FOXB1: variants seen among roughly 807,000 people sequenced by gnomAD.
FOXB1 encodes forkhead box B1.
FOXB1 carries 6 observed loss-of-function variants against 18.6 expected under a neutral mutation model. The observed-to-expected ratio is 0.32, with a 90% CI of 0.18 to 0.64. The LOEUF (loss-of-function observed/expected upper bound fraction) is 0.64. FOXB1 is among the 30% of genes least tolerant of loss of function. The pLI is 0.78. For missense variants in FOXB1, 419 were observed against 463.6 expected (o/e 0.90, Z 0.88); for synonymous variants, 213 against 216.0 (o/e 0.99, Z 0.12).
Position 60,004,654 on chromosome 15 carries a change from C to A in FOXB1, c.-58+11C>A. On this transcript the variant is annotated intron_variant, in intron 1 of 1. Coordinates refer to ENST00000396057, the MANE Select transcript of FOXB1 (RefSeq NM_012182.3). ...TGAAGCAACTTTAAGGTGAGCAGCT[C>A]TCTGTTCCGTCCCTGCCCCCTATTC... 1 of 360,342 alleles carries A rather than the reference C, an allele frequency of 2.8e-6. No homozygotes were observed. The highest frequency in any genetic ancestry group is 5.1e-6 in the Non-Finnish European group (1 of 197,508). The allele number at this position is 360,342 out of a possible 1,614,324, so 22.3% of individuals were successfully genotyped here. A position where few individuals can be genotyped will look rare whatever the true frequency, so the allele number is the denominator to read the frequency against.
intron 1 of FOXB1, 113 bp from the exon 2 acceptor site, chr15:60,004,794 G>C (rs986097772): frequency 2.4e-6 from 1 of 419,146 alleles, no homozygotes; most frequent in East Asian, 4.9e-5. Context: ...CTGGCTGATC[G>C]AGCGCCGCAG....
At position 60,005,932 on chromosome 15, in the gene FOXB1, G is replaced by C; in HGVS notation, c.969G>C (p.Ala323=). ...TSPASALHSV[A]VH is the part of the protein sequence containing the mutation. ...CGGCCTCCGCCTTGCACTCGGTGGC[G>C]GTGCACTGACCCGCAGGAGCCCACG... is the stretch of plus-strand genomic sequence containing the variant. The change falls in exon 2 of 2, where the codon GCG becomes GCC. Residue 323 remains alanine (A), a synonymous_variant. Coordinates refer to ENST00000396057, the MANE Select transcript of FOXB1 (RefSeq NM_012182.3). This position sits in a 1 kb window ranked among gnomAD's most constrained non-coding sequence, Gnocchi z 9.8. 1 of 1,585,330 alleles carries C rather than the reference G, an allele frequency of 6.3e-7. No homozygotes were observed. The highest frequency in any genetic ancestry group is 8.5e-7 in the Non-Finnish European group (1 of 1,171,344).
Position 60,005,141 on chromosome 15 carries a change from A to T in FOXB1, c.178A>T (p.Ser60Cys). The T allele has an allele frequency of 6.2e-7, 1 of 1,614,208 alleles. No individual in the cohort carries two copies. ...GGAGAACACGCAGCGCTGGCAGAACAGTCTGCGCCACAACCTCTCCTTCAA... is the reference window on the plus strand; with the variant it reads ...GGAGAACACGCAGCGCTGGCAGAACTGTCTGCGCCACAACCTCTCCTTCAA... Reference protein sequence around the residue: ...YRENTQRWQNSLRHNLSFNDC... With the variant: ...YRENTQRWQNCLRHNLSFNDC... Residue 60 changes from serine (S) to cysteine (C), a missense_variant, in exon 2 of 2, where the codon AGT (serine) becomes TGT (cysteine). Physicochemically the swap from Ser to Cys is moderately radical, Grantham distance 112. This residue lies in a region of FOXB1 where 153 missense variants were observed against 173.8 expected (regional missense o/e 0.88). Coordinates refer to ENST00000396057, the MANE Select transcript of FOXB1 (RefSeq NM_012182.3). The surrounding 1 kb of genome is among the most constrained non-coding windows in gnomAD (Gnocchi z 9.8).
In FOXB1 at chr15:60,005,165, A is replaced by G. The variant is rs1394301646; in HGVS notation, c.202A>G (p.Asn68Asp). ...CAGTCTGCGCCACAACCTCTCCTTC[A>G]ACGACTGCTTCATCAAGATCCCGCG... ...QNSLRHNLSF[N>D]DCFIKIPRRP... The change falls in exon 2 of 2, where the codon AAC becomes GAC. Residue 68 changes from asparagine (N) to aspartate (D), a missense_variant. Coordinates refer to ENST00000396057, the MANE Select transcript of FOXB1 (RefSeq NM_012182.3). The surrounding 1 kb of genome is among the most constrained non-coding windows in gnomAD (Gnocchi z 9.8). 1 of 1,614,056 alleles carries G rather than the reference A, an allele frequency of 6.2e-7. No individual in the cohort carries two copies. The highest frequency in any genetic ancestry group is 2.2e-5 in the East Asian group (1 of 44,880).
chr15:60,004,852 G>A (rs1310065527), intron 1 of FOXB1, 55 bp from the exon 2 acceptor site: 5 of 1,060,568 alleles, frequency 4.7e-6, no homozygotes, highest in East Asian at 5.7e-5. Flanking sequence ...GGCTGACCCC[G>A]CCGGTGTCTC....
At chr15:60,004,870 C>A (rs1310233748) in intron 1 of FOXB1, 37 bp from the exon 2 acceptor site, 2 of 1,183,146 alleles carry the variant, frequency 1.7e-6, no homozygotes, top group Non-Finnish European at 2.2e-6. Flanking sequence ...CTCTGTGCAT[C>A]CATGCTACCT....
Position 60,006,969 on chromosome 15 carries a change from G to A in FOXB1, c.*1028G>A, listed in dbSNP as rs1161261519. 2 of 149,312 alleles carry A rather than the reference G, an allele frequency of 1.3e-5. No individual in the cohort carries two copies. Among genetic ancestry groups the A allele is most frequent in the Non-Finnish European group, 3.0e-5 (2 of 67,364 alleles). The allele number at this position is 149,312 out of a possible 1,614,324, so 9.2% of individuals were successfully genotyped here. A position where few individuals can be genotyped will look rare whatever the true frequency, so the allele number is the denominator to read the frequency against. ...AATGAAATAAGCCCAAACCAAGAAA[G>A]CATCAAGGGCAACCCGGGAAGAACT... is the stretch of plus-strand genomic sequence containing the variant. On this transcript the variant is annotated 3_prime_UTR_variant, in exon 2 of 2. Transcript: ENST00000396057.
At position 60,005,754 on chromosome 15, in the gene FOXB1, A is replaced by G; in HGVS notation, c.791A>G (p.Lys264Arg). The G allele has an allele frequency of 6.2e-7, 1 of 1,601,670 alleles. No individual in the cohort carries two copies. Among genetic ancestry groups the G allele is most frequent in the Non-Finnish European group, 8.5e-7 (1 of 1,177,454 alleles). The part of the protein sequence containing the change: ...QTLPAIPVPI[K>R]PTPAAVPALP... ...CTGCCCGCCATCCCCGTGCCCATTAAGCCCACGCCGGCCGCCGTGCCCGCG... is the reference window on the plus strand; with the variant it reads ...CTGCCCGCCATCCCCGTGCCCATTAGGCCCACGCCGGCCGCCGTGCCCGCG... Residue 264 changes from lysine to arginine, a missense_variant, in exon 2 of 2, where the codon AAG (lysine) becomes AGG (arginine). Lys to Arg is a conservative substitution (Grantham distance 26, BLOSUM62 2). This residue lies in a region of FOXB1 where 195 missense variants were observed against 179.8 expected (regional missense o/e 1.08). Coordinates refer to ENST00000396057, the MANE Select transcript of FOXB1 (RefSeq NM_012182.3). This position sits in a 1 kb window ranked among gnomAD's most constrained non-coding sequence, Gnocchi z 9.8.
chr15:60,005,430 A>C lies in FOXB1; in HGVS notation c.467A>C (p.Asn156Thr). Reference protein sequence around the residue: ...HLPQMPAAAYNLGGVAQPSGF... With the variant: ...HLPQMPAAAYTLGGVAQPSGF... ...CCACAGATGCCCGCCGCCGCCTACA[A>C]CTTGGGCGGCGTGGCGCAGCCCTCG... Residue 156 changes from asparagine to threonine, a missense_variant, in exon 2 of 2, where the codon AAC becomes ACC. This residue lies in a region of FOXB1 where 71 missense variants were observed against 110.0 expected (regional missense o/e 0.65). Coordinates refer to ENST00000396057, the MANE Select transcript of FOXB1 (RefSeq NM_012182.3). The surrounding 1 kb of genome is among the most constrained non-coding windows in gnomAD (Gnocchi z 9.8). 6.2e-7 allele frequency: 1 copy of C among 1,609,854 alleles called. No individual in the cohort carries two copies. The highest frequency in any genetic ancestry group is 8.5e-7 in the Non-Finnish European group (1 of 1,178,772).
At position 60,006,158 on chromosome 15, in the gene FOXB1, C is replaced by A; in HGVS notation, c.*217C>A. 1 of 598,008 alleles carries A rather than the reference C, an allele frequency of 1.7e-6. No homozygotes were observed. The highest frequency in any genetic ancestry group is 2.8e-6 in the Non-Finnish European group (1 of 360,084). The allele number at this position is 598,008 out of a possible 1,614,324, so 37.0% of individuals were successfully genotyped here. A position where few individuals can be genotyped will look rare whatever the true frequency, so the allele number is the denominator to read the frequency against. Reference sequence around the variant, plus strand: ...GAGAGGCGCGTGGGAGTTGTCCTCGCCCCCACATCAAGGAAGGCCGGGGCC... The same window carrying A: ...GAGAGGCGCGTGGGAGTTGTCCTCGACCCCACATCAAGGAAGGCCGGGGCC... On this transcript the variant is annotated 3_prime_UTR_variant, in exon 2 of 2. Transcript: ENST00000396057.
In FOXB1 at chr15:60,004,980, G is replaced by A. The variant is rs1490406458; in HGVS notation, c.17G>A (p.Arg6His). ...AGGAAGAAGATGCCTCGGCCCGGCC[G>A]CAACACGTACAGCGACCAGAAGCCG... is the stretch of plus-strand genomic sequence containing the variant. MPRPG[R>H]NTYSDQKPPY... Residue 6 changes from arginine (R) to histidine (H), a missense_variant, in exon 2 of 2, where the codon CGC becomes CAC. Around this residue, in one of 3 missense-constraint regions of FOXB1, gnomAD observed 153 missense variants for 173.8 expected, o/e 0.88. Transcript: ENST00000396057. 1 of 1,611,576 alleles carries A rather than the reference G, an allele frequency of 6.2e-7. No individual in the cohort carries two copies. Among genetic ancestry groups the A allele is most frequent in the African/African-American group, 1.3e-5 (1 of 74,774 alleles).
At position 60,006,022 on chromosome 15, in the gene FOXB1, C is replaced by A. The variant is rs8040887; in HGVS notation, c.*81C>A. 0.55 allele frequency: 787,833 copies of A among 1,430,816 alleles called. 222,316 individuals carry two copies. The highest frequency in any genetic ancestry group is 0.58 in the Non-Finnish European group (632,654 of 1,084,618). The allele number at this position is 1,430,816 out of a possible 1,614,324, so 88.6% of individuals were successfully genotyped here. ...CCTGGCTCCCAGTCCTGCCGGCCCC[C>A]ACCTGGGACCGCCACCCTAACTTGT... On this transcript the variant is annotated 3_prime_UTR_variant, in exon 2 of 2. Coordinates refer to ENST00000396057, the MANE Select transcript of FOXB1 (RefSeq NM_012182.3).
chr15:60,006,132 C>G lies in FOXB1; in HGVS notation c.*191C>G. 8.5e-6 allele frequency: 6 copies of G among 702,192 alleles called. No individual in the cohort carries two copies. The highest frequency in any genetic ancestry group is 1.1e-5 in the Non-Finnish European group (5 of 446,048). 43.5% of individuals were successfully genotyped at this position (702,192 alleles called of 1,614,324 possible). ...ACCAAACACAAACTTGCAGATGGGCCGAGAGGCGCGTGGGAGTTGTCCTCG... is the reference window on the plus strand; with the variant it reads ...ACCAAACACAAACTTGCAGATGGGCGGAGAGGCGCGTGGGAGTTGTCCTCG... On this transcript the variant is annotated 3_prime_UTR_variant, in exon 2 of 2. Coordinates refer to ENST00000396057, the MANE Select transcript of FOXB1 (RefSeq NM_012182.3).
At position 60,005,392 on chromosome 15, in the gene FOXB1, G is replaced by T. The variant is rs781168670; in HGVS notation, c.429G>T (p.Ser143=). ...TGCGGCTCAGCGCGCTGGCGGCCTC[G>T]GGCACGCACCTGCCACAGATGCCCG... ...AKLRLSALAA[S]GTHLPQMPAA... Residue 143 remains serine, a synonymous_variant, in exon 2 of 2, where the codon TCG becomes TCT. Coordinates refer to ENST00000396057, the MANE Select transcript of FOXB1 (RefSeq NM_012182.3). This position sits in a 1 kb window ranked among gnomAD's most constrained non-coding sequence, Gnocchi z 9.8. 5.0e-6 allele frequency: 8 copies of T among 1,600,226 alleles called. No individual in the cohort carries two copies. The highest frequency in any genetic ancestry group is 6.8e-6 in the Non-Finnish European group (8 of 1,174,756).
At position 60,005,306 on chromosome 15, in the gene FOXB1, G is replaced by A; in HGVS notation, c.343G>A (p.Asp115Asn). The A allele has an allele frequency of 6.2e-7, 1 of 1,612,250 alleles. No homozygotes were observed. The change falls in exon 2 of 2, where the codon GAC becomes AAC. Residue 115 changes from aspartate (D) to asparagine (N), a missense_variant. Physicochemically the swap from Asp to Asn is conservative, Grantham distance 23. Coordinates refer to ENST00000396057, the MANE Select transcript of FOXB1 (RefSeq NM_012182.3). The surrounding 1 kb of genome is among the most constrained non-coding windows in gnomAD (Gnocchi z 9.8). ...RRKRFKVLKS[D>N]HLAPSKPADA... ...CAAGCGCTTCAAGGTGCTTAAGTCC[G>A]ACCACCTGGCGCCCAGCAAGCCAGC...
rs1271584567 is a variant in FOXB1, at chr15:60,006,740, G to C, written c.*799G>C. On this transcript the variant is annotated 3_prime_UTR_variant, in exon 2 of 2. Transcript: ENST00000396057. ...TAAACAGTGAACTTGAATCTGTCTT[G>C]CTAGGCGGACGAACGGGCAAAGCCC... The C allele has an allele frequency of 3.3e-5, 5 of 152,208 alleles. No homozygotes were observed. Among genetic ancestry groups the C allele is most frequent in the Non-Finnish European group, 4.4e-5 (3 of 68,048 alleles). The allele number at this position is 152,208 out of a possible 1,614,324, so 9.4% of individuals were successfully genotyped here.
rs766790563 is a variant in FOXB1, at chr15:60,004,962, A to C, written c.-2A>C. 37 of 1,608,738 alleles carry C rather than the reference A, an allele frequency of 2.3e-5. No individual in the cohort carries two copies. The highest frequency in any genetic ancestry group is 3.0e-5 in the Non-Finnish European group (35 of 1,176,894). ...CAGAGCAAGAAGAGGGCGAGGAAGA[A>C]GATGCCTCGGCCCGGCCGCAACACG... is the stretch of plus-strand genomic sequence containing the variant. On this transcript the variant is annotated 5_prime_UTR_variant, in exon 2 of 2. Coordinates refer to ENST00000396057, the MANE Select transcript of FOXB1 (RefSeq NM_012182.3).
At position 60,006,000 on chromosome 15, in the gene FOXB1, G is replaced by A; in HGVS notation, c.*59G>A. ...CCCCACCACCTCACTCGCCTTCCCT[G>A]GCTCCCAGTCCTGCCGGCCCCCACC... is the stretch of plus-strand genomic sequence containing the variant. On this transcript the variant is annotated 3_prime_UTR_variant, in exon 2 of 2. Transcript: ENST00000396057. This position sits in a 1 kb window ranked among gnomAD's most constrained non-coding sequence, Gnocchi z 9.8. 1.3e-6 allele frequency: 2 copies of A among 1,494,130 alleles called. No homozygotes were observed. 92.6% of individuals were successfully genotyped at this position (1,494,130 alleles called of 1,614,324 possible). A position where few individuals can be genotyped will look rare whatever the true frequency, so the allele number is the denominator to read the frequency against.
chr15:60,004,975 C>G lies in FOXB1; in HGVS notation c.12C>G (p.Pro4=), dbSNP rs751979966. MPR[P]GRNTYSDQKP... ...GGGCGAGGAAGAAGATGCCTCGGCC[C>G]GGCCGCAACACGTACAGCGACCAGA... Residue 4 remains proline, a synonymous_variant, in exon 2 of 2, where the codon CCC becomes CCG. Coordinates refer to ENST00000396057, the MANE Select transcript of FOXB1 (RefSeq NM_012182.3). 19 of 1,611,238 alleles carry G rather than the reference C, an allele frequency of 1.2e-5. No individual in the cohort carries two copies. The highest frequency in any genetic ancestry group is 9.4e-5 in the African/African-American group (7 of 74,802).
Sources: gnomAD v4.1 joint callset for allele counts on GRCh38, gnomAD v4.1.1 for gene constraint, gnomAD v4.1.1 regional missense constraint, Gnocchi (gnomAD v3.1) non-coding constraint, MANE v1.5 for transcripts, NCBI Gene and HGNC (gene_info 2026-07-23, HGNC 2026-07-21) for gene names.